Variants in PCDH15 observed in about 807,000 individuals in gnomAD.
PCDH15 encodes protocadherin-15.
Under a neutral mutation model 178.5 loss-of-function variants are expected in PCDH15, and 129 were observed. That is an observed-to-expected ratio of 0.72 (90% confidence interval 0.63 to 0.84). The LOEUF is 0.84. PCDH15 is among the 40% of genes least tolerant of loss of function. The pLI, the probability that PCDH15 is intolerant of heterozygous loss-of-function variation, is 0.00. For missense variants in PCDH15, 2,230 were observed against 2,099.9 expected (o/e 1.06, Z -1.21); for synonymous variants, 800 against 732.0 (o/e 1.09, Z -1.50).
intron 23 of PCDH15, among the ~76,000 whole-genome samples, chr10:53,945,935 T>C (rs4935478): frequency 0.68 from 98,960 of 146,552 alleles, 33,952 homozygotes; most frequent in East Asian, 0.87. Flanking sequence ...TGACTCCATA[T>C]CCTATTATAA....
chr10:54,918,468 G>C (rs1837401784), intron 2 of PCDH15, among the ~76,000 whole-genome samples: 1 of 152,012 alleles, frequency 6.6e-6, no homozygotes, highest in East Asian at 1.9e-4. Context: ...AGAATATCTG[G>C]GCCAACACTC....
chr10:54,022,791 A>G (rs552965440), intron 19 of PCDH15, 101 bp downstream of exon 19: 144 of 1,146,300 alleles, frequency 1.3e-4, no homozygotes, highest in African/African-American at 3.8e-4. Flanking sequence ...TTAAAATCCA[A>G]CTTGGTATGT....
At chr10:54,174,702 C>CTTTTTTTTTTTTTTTTT (rs1169302544) in intron 13 of PCDH15, among the ~76,000 whole-genome samples, 10 of 84,052 alleles carry the variant, frequency 1.2e-4, no homozygotes, top group African/African-American at 2.0e-4. Context: ...TTTTTCTTTT[C>CTTTTTTTTTTTTTTTTT]TTTTTTTTTT....
At chr10:54,977,823 A>G (rs1369736963) in intron 2 of PCDH15, among the ~76,000 whole-genome samples, 2 of 152,176 alleles carry the variant, frequency 1.3e-5, no homozygotes, top group African/African-American at 2.4e-5. Context: ...TGTATTTGGT[A>G]TTCACAACAT....
chr10:54,517,086 G>T (rs184029140), intron 3 of PCDH15, among the ~76,000 whole-genome samples: 1 of 152,206 alleles, frequency 6.6e-6, no homozygotes, highest in Admixed American at 6.5e-5. Context: ...GGAACAACAG[G>T]TACCAGCCAC....
At chr10:54,359,607 TTTAA>T (rs1945670062) in intron 5 of PCDH15, among the ~76,000 whole-genome samples, 1 of 152,054 alleles carries the variant, frequency 6.6e-6, no homozygotes, top group South Asian at 2.1e-4. Flanking sequence ...TTCTATTACA[TTTAA>T]TTTTTATAAA....
intron 9 of PCDH15, among the ~76,000 whole-genome samples, chr10:54,219,691 G>A (rs188874024): frequency 3.9e-4 from 58 of 148,866 alleles, no homozygotes; most frequent in African/African-American, 1.1e-3. Context: ...CTCCCTTTCC[G>A]AGAAAAACAA....
At chr10:54,030,162 A>C (rs185116099) in intron 18 of PCDH15, among the ~76,000 whole-genome samples, 35 of 152,216 alleles carry the variant, frequency 2.3e-4, no homozygotes, top group African/African-American at 7.0e-4. Context: ...TAATTGGCCC[A>C]GTGTGAAGCT....
At chr10:54,811,867 G>T (rs1343150461) in intron 3 of PCDH15, among the ~76,000 whole-genome samples, 1 of 152,180 alleles carries the variant, frequency 6.6e-6, no homozygotes. Flanking sequence ...TTAACAACAT[G>T]AATGCAATCA....
chr10:53,857,892 TA>T lies in PCDH15; in HGVS notation c.3718-630del, dbSNP rs1308247287. ...TTATATTTGAAAAATAGAAGAAAAA[TA>T]AAAATATTTATTCTGTGCTTACAAC... On this transcript the variant is annotated intron_variant, in intron 27 of 37. Coordinates refer to ENST00000644397, the MANE Select transcript of PCDH15 (RefSeq NM_001384140.1). 3.3e-5 allele frequency among the ~76,000 whole-genome samples: 5 copies of T among 152,054 alleles called. No individual in the cohort carries two copies. In the South Asian group the frequency reaches 8.3e-4, roughly 25 times the overall value.
At chr10:55,395,237 GACTACGT>G (rs1837899239) in intron 2 of PCDH15, among the ~76,000 whole-genome samples, 1 of 148,942 alleles carries the variant, frequency 6.7e-6, no homozygotes, top group African/African-American at 2.5e-5. Context: ...GAGAGAAAGA[GACTACGT>G]ACGTTTTAAT....
At chr10:55,441,743 T>C (rs1025304231) in intron 2 of PCDH15, among the ~76,000 whole-genome samples, 15 of 152,076 alleles carry the variant, frequency 9.9e-5, no homozygotes, top group African/African-American at 3.6e-4. Context: ...TATATGACAA[T>C]CTCCTAACTC....
chr10:54,828,798 G>C (rs1401068094), intron 3 of PCDH15, among the ~76,000 whole-genome samples: 1 of 152,004 alleles, frequency 6.6e-6, no homozygotes, highest in African/African-American at 2.4e-5. Context: ...ATGGGTAGTG[G>C]CATGTTTATA....
chr10:54,382,872 T>C (rs921280679), intron 3 of PCDH15, among the ~76,000 whole-genome samples: 4 of 152,172 alleles, frequency 2.6e-5, no homozygotes, highest in African/African-American at 9.7e-5. Flanking sequence ...ATTTTAATGA[T>C]ATTGTTATAC....
Position 55,547,649 on chromosome 10 carries a change from C to T in PCDH15, c.-156+79976G>A, listed in dbSNP as rs532199083. Among the ~76,000 whole-genome samples, 87 of 152,064 alleles carry T rather than the reference C, an allele frequency of 5.7e-4. 1 individual carries two copies. The highest frequency in any genetic ancestry group is 2.0e-3 in the African/African-American group (81 of 41,466). Reference sequence around the variant, plus strand: ...GGATCTCTTCCACTGAGATAAGTAGCCTAATTTTCCTCACTTTAAAGATGG... The same window carrying T: ...GGATCTCTTCCACTGAGATAAGTAGTCTAATTTTCCTCACTTTAAAGATGG... On this transcript the variant is annotated intron_variant, in intron 2 of 5. Transcript: ENST00000613346.
chr10:55,004,847 G>T (rs936918708), intron 2 of PCDH15, among the ~76,000 whole-genome samples: 1 of 152,040 alleles, frequency 6.6e-6, no homozygotes, highest in Non-Finnish European at 1.5e-5. Flanking sequence ...ATCTCTGTAT[G>T]CTAAGGACAA....
intron 2 of PCDH15, among the ~76,000 whole-genome samples, chr10:55,596,239 T>A (rs1362056392): frequency 1.3e-5 from 2 of 152,090 alleles, no homozygotes; most frequent in Non-Finnish European, 2.9e-5. Context: ...TTTGAGATAA[T>A]TATTTTGAGA....
chr10:54,113,664 A>G (rs1234421213), intron 15 of PCDH15, among the ~76,000 whole-genome samples: 1 of 152,050 alleles, frequency 6.6e-6, no homozygotes, highest in African/African-American at 2.4e-5. Flanking sequence ...ACACACGCAC[A>G]TCTTAATTTA....
In PCDH15 at chr10:54,422,807, TAGGGCAGC is replaced by T. The variant is rs1289071182; in HGVS notation, c.158-43873_158-43866del. ...TACACTTGATTTTGTCATTGTCAGT[TAGGGCAGC>T]AGAGAACTCCAGTTCTGAAAATTCT... On this transcript the variant is annotated intron_variant, in intron 3 of 37. Coordinates refer to ENST00000644397, the MANE Select transcript of PCDH15 (RefSeq NM_001384140.1). Among the ~76,000 whole-genome samples, 3 of 152,294 alleles carry T rather than the reference TAGGGCAGC, an allele frequency of 2.0e-5. No individual in the cohort carries two copies. In the South Asian group the frequency reaches 6.2e-4, roughly 32 times the overall value.
Sources: allele counts gnomAD v4.1 joint callset (sites outside exome capture counted in the v4.1 genomes callset), GRCh38; gene constraint gnomAD v4.1.1; transcripts MANE v1.5; gene names NCBI Gene and HGNC (gene_info 2026-07-23, HGNC 2026-07-21).